Variants in DCDC1 observed in about 807,000 individuals in gnomAD.
DCDC1 encodes doublecortin domain containing 1.
A neutral mutation model predicts 178.3 loss-of-function variants in DCDC1; 200 were observed. The ratio of observed to expected loss-of-function variants is 1.12; its 90% confidence interval spans 1.00 to 1.26. DCDC1 has a LOEUF of 1.26. Among genes scored for constraint, DCDC1 ranks in the 50% most tolerant of loss-of-function variants. The pLI is 0.00. For synonymous variants in DCDC1, 690 were observed against 604.8 expected (o/e 1.14, Z -2.07); for missense variants, 1,983 against 1,749.2 (o/e 1.13, Z -2.38).
intron 1 of DCDC1, among the ~76,000 whole-genome samples, chr11:31,356,867 C>G (rs1389041698): frequency 6.6e-6 from 1 of 152,108 alleles, no homozygotes; most frequent in Admixed American, 6.5e-5. Flanking sequence ...GACACATACA[C>G]TCTCCCAAGA....
intron 8 of DCDC1, among the ~76,000 whole-genome samples, chr11:31,263,608 C>T (rs1565515254): frequency 6.6e-6 from 1 of 152,156 alleles, no homozygotes; most frequent in Non-Finnish European, 1.5e-5. Context: ...TGAATACACA[C>T]ATATGTAATC....
chr11:31,123,157 G>A (rs567558835), intron 11 of DCDC1, among the ~76,000 whole-genome samples: 1 of 151,890 alleles, frequency 6.6e-6, no homozygotes, highest in African/African-American at 2.4e-5. Context: ...ATGAAATCAA[G>A]CCCTCATTTA....
At chr11:30,954,690 A>T (rs1948665554) in intron 20 of DCDC1, among the ~76,000 whole-genome samples, 1 of 152,220 alleles carries the variant, frequency 6.6e-6, no homozygotes, top group South Asian at 2.1e-4. Flanking sequence ...TTACTAATGC[A>T]ATACATCACT....
At chr11:31,075,408 A>G (rs1956807203) in intron 18 of DCDC1, among the ~76,000 whole-genome samples, 1 of 152,116 alleles carries the variant, frequency 6.6e-6, no homozygotes, top group Non-Finnish European at 1.5e-5. Flanking sequence ...GTAGATATCC[A>G]GTAGTGGGAT....
Position 30,909,152 on chromosome 11 carries a change from T to A in DCDC1, c.3748-36A>T, listed in dbSNP as rs538006546. 1.3e-5 allele frequency: 20 copies of A among 1,575,314 alleles called. No individual in the cohort carries two copies. In the African/African-American group the frequency reaches 2.4e-4, roughly 19 times the overall value. ...AGGCAAAATATGGAGTCAAGTGAGTTCATGTGAGGGTTATAGTGTCTTGTT... is the reference window on the plus strand; with the variant it reads ...AGGCAAAATATGGAGTCAAGTGAGTACATGTGAGGGTTATAGTGTCTTGTT... On this transcript the variant is annotated intron_variant, in intron 28 of 38. Coordinates refer to ENST00000684477, the MANE Select transcript of DCDC1 (RefSeq NM_001387274.1).
At chr11:31,340,672 A>T (rs948851248) in intron 1 of DCDC1, among the ~76,000 whole-genome samples, 4 of 152,096 alleles carry the variant, frequency 2.6e-5, no homozygotes, top group African/African-American at 9.7e-5. Context: ...TAAAGCTTTT[A>T]TAGAAAAAAG....
chr11:31,248,633 G>T (rs1943745642), intron 8 of DCDC1, among the ~76,000 whole-genome samples: 2 of 151,978 alleles, frequency 1.3e-5, no homozygotes, highest in South Asian at 4.1e-4. Flanking sequence ...ACATGTTAAT[G>T]ATTTATTTAA....
At chr11:31,229,714 C>T (rs1422603462) in intron 9 of DCDC1, among the ~76,000 whole-genome samples, 1 of 151,942 alleles carries the variant, frequency 6.6e-6, no homozygotes, top group Non-Finnish European at 1.5e-5. Flanking sequence ...AAGGATGGCG[C>T]AGCATAAGGA....
At chr11:31,006,371 A>C (rs1951846495) in intron 20 of DCDC1, among the ~76,000 whole-genome samples, 1 of 152,076 alleles carries the variant, frequency 6.6e-6, no homozygotes, top group African/African-American at 2.4e-5. Flanking sequence ...ATAGATTCCC[A>C]TAGAGAACAC....
intron 8 of DCDC1, among the ~76,000 whole-genome samples, chr11:31,258,902 T>C (rs1011702039): frequency 5.3e-5 from 8 of 152,236 alleles, no homozygotes; most frequent in Middle Eastern, 3.4e-3. Context: ...CAGTTGAGCA[T>C]GGGGTTTAAA....
chr11:31,187,730 C>T (rs1462504587), intron 9 of DCDC1, among the ~76,000 whole-genome samples: 2 of 152,144 alleles, frequency 1.3e-5, no homozygotes, highest in Non-Finnish European at 2.9e-5. Context: ...CTAACCTTCA[C>T]AGAGCTGGTT....
chr11:31,357,381 T>A (rs1207474521), intron 1 of DCDC1, among the ~76,000 whole-genome samples: 1 of 141,370 alleles, frequency 7.1e-6, no homozygotes, highest in Non-Finnish European at 1.5e-5. Flanking sequence ...TTGACAAAAT[T>A]CAACTACGCT....
intron 2 of DCDC1, among the ~76,000 whole-genome samples, chr11:31,328,945 CTTTTTTTTT>C (rs1176942329): frequency 4.2e-5 from 2 of 47,788 alleles, no homozygotes; most frequent in East Asian, 5.2e-4. Context: ...CACCACAAGG[CTTTTTTTTT>C]TTTTTTTTTT....
chr11:31,325,945 CT>C (rs1032416437), intron 3 of DCDC1, among the ~76,000 whole-genome samples: 1 of 152,136 alleles, frequency 6.6e-6, no homozygotes, highest in African/African-American at 2.4e-5. Flanking sequence ...TTGCCTCTCT[CT>C]GATAATCATA....
At chr11:31,237,153 T>G (rs1249753496) in intron 9 of DCDC1, among the ~76,000 whole-genome samples, 2 of 151,946 alleles carry the variant, frequency 1.3e-5, no homozygotes, top group African/African-American at 4.8e-5. Context: ...GTTTGATACC[T>G]AATTACCAAA....
At chr11:30,985,347 T>C (rs560841046) in intron 20 of DCDC1, among the ~76,000 whole-genome samples, 42 of 152,282 alleles carry the variant, frequency 2.8e-4, no homozygotes, top group Non-Finnish European at 5.1e-4. Flanking sequence ...TTTCAATCCA[T>C]CAAACAGAAT....
intron 1 of DCDC1, among the ~76,000 whole-genome samples, chr11:31,341,642 G>T (rs79700991): frequency 0.011 from 1,668 of 152,094 alleles, 33 homozygotes; most frequent in African/African-American, 0.038. Flanking sequence ...TAACACTATA[G>T]TAAGTATTTG....
At chr11:31,274,772 C>T (rs1052110572) in intron 7 of DCDC1, among the ~76,000 whole-genome samples, 1 of 150,188 alleles carries the variant, frequency 6.7e-6, no homozygotes, top group East Asian at 2.0e-4. Flanking sequence ...ATGGTCTCTG[C>T]TCACTGAAAC....
At chr11:31,246,149 A>T (rs1943550410) in intron 8 of DCDC1, among the ~76,000 whole-genome samples, 1 of 152,052 alleles carries the variant, frequency 6.6e-6, no homozygotes, top group South Asian at 2.1e-4. Flanking sequence ...TTTTGTTAAT[A>T]GCATTTCAAG....
Sources: allele counts gnomAD v4.1 joint callset (sites outside exome capture counted in the v4.1 genomes callset), GRCh38; gene constraint gnomAD v4.1.1; transcripts MANE v1.5; gene names NCBI Gene and HGNC (gene_info 2026-07-23, HGNC 2026-07-21).